Variants in SCN9A observed in about 807,000 individuals in gnomAD.
The protein encoded by SCN9A is sodium voltage-gated channel alpha subunit 9.
A neutral mutation model predicts 187.0 loss-of-function variants in SCN9A; 131 were observed. That is an observed-to-expected ratio of 0.70 (90% CI 0.61 to 0.81). SCN9A has a LOEUF of 0.81. Ranked by LOEUF, SCN9A falls within the 30% of genes least tolerant of loss-of-function variation. The probability of loss-of-function intolerance (pLI) is 0.00; values close to 1 mark genes in which losing one functional copy is unlikely to be tolerated. For missense variants in SCN9A, 2,252 were observed against 2,396.6 expected, an observed-to-expected ratio of 0.94 and a Z score of 1.26; for synonymous variants, 809 against 808.6, an observed-to-expected ratio of 1.00 and a Z score of -0.01.
At chr2:166,370,211 A>ATC (rs1553507670) in intron 1 of SCN9A, among the ~76,000 whole-genome samples, 197 of 92,222 alleles carry the variant, frequency 2.1e-3, no homozygotes, top group Non-Finnish European at 3.1e-3. Context: ...TAATAATAAT[A>ATC]ATAATAATAA....
chr2:166,242,360 G>T (rs1695603782), intron 19 of SCN9A, 142 bp downstream of exon 19: 1 of 646,294 alleles, frequency 1.5e-6, no homozygotes, highest in Admixed American at 3.2e-5. Flanking sequence ...TATTTACTGA[G>T]CTCAAGTAAA....
At chr2:166,254,862 A>G (rs1156325444) in intron 17 of SCN9A, among the ~76,000 whole-genome samples, 1 of 151,470 alleles carries the variant, frequency 6.6e-6, no homozygotes. Context: ...AAATATAAAT[A>G]TAAGCATAGG....
intron 1 of SCN9A, among the ~76,000 whole-genome samples, chr2:166,330,490 A>T (rs1316535397): frequency 6.6e-6 from 1 of 152,186 alleles, no homozygotes; most frequent in Non-Finnish European, 1.5e-5. Context: ...AATACATCTA[A>T]TCTGCACTTC....
intron 24 of SCN9A, among the ~76,000 whole-genome samples, chr2:166,216,347 A>T (rs1294666561): frequency 6.6e-6 from 1 of 152,042 alleles, no homozygotes. Context: ...GACTATTACC[A>T]CTTCTTTTTG....
At position 166,332,396 on chromosome 2, in the gene SCN9A, T is replaced by C. The variant is rs75620229; in HGVS notation, c.-50-20590A>G. Among the ~76,000 whole-genome samples, 1,395 of 152,314 alleles carry C rather than the reference T, an allele frequency of 9.2e-3. 32 individuals carry two copies. Among genetic ancestry groups the C allele is most frequent in the African/African-American group, 0.03 (1,266 of 41,566 alleles). ...AGCCAGTGTTTGTTTCTCTTGCTTG[T>C]AATCAATATCTTTGCTTAATATGAG... On this transcript the variant is annotated intron_variant, in intron 1 of 26. Coordinates refer to ENST00000642356, the MANE Select transcript of SCN9A (RefSeq NM_001365536.1).
At chr2:166,230,208 T>C (rs1349126506) in intron 21 of SCN9A, among the ~76,000 whole-genome samples, 1 of 151,758 alleles carries the variant, frequency 6.6e-6, no homozygotes, top group African/African-American at 2.4e-5. Context: ...CAGGCTGGGG[T>C]TTGTTGACCT....
chr2:166,371,849 C>T (rs879560803), intron 1 of SCN9A, among the ~76,000 whole-genome samples: 1 of 152,068 alleles, frequency 6.6e-6, no homozygotes, highest in Non-Finnish European at 1.5e-5. Context: ...TTTTAAAAAT[C>T]CCTGCTCACA....
intron 18 of SCN9A, among the ~76,000 whole-genome samples, chr2:166,250,105 T>C (rs1354872759): frequency 6.6e-6 from 1 of 152,148 alleles, no homozygotes; most frequent in Admixed American, 6.6e-5. Context: ...TGATATTTGG[T>C]GTGTATTTAA....
Position 166,204,045 on chromosome 2 carries a change from A to C in SCN9A, c.4684T>G (p.Cys1562Gly). 6.2e-7 allele frequency: 1 copy of C among 1,610,438 alleles called. No individual in the cohort carries two copies. Among genetic ancestry groups the C allele is most frequent in the Non-Finnish European group, 8.5e-7 (1 of 1,177,134 alleles). ...CTGAGGGAGATCAGTTTTAGCACAC[A>C]TTCTCCAGTGAAAAGGATTATAAAA... ...VVFIILFTGE[C>G]VLKLISLRHY... The change falls in exon 26 of 27, where the codon TGT (cysteine) becomes GGT (glycine). Residue 1562 changes from cysteine to glycine, a missense_variant. Coordinates refer to ENST00000642356, the MANE Select transcript of SCN9A (RefSeq NM_001365536.1).
At position 166,240,607 on chromosome 2, in the gene SCN9A, T is replaced by G. The variant is rs1574785828; in HGVS notation, c.3627+1895A>C. ...AACCTCCTTAGTTACTAGGAATACA[T>G]TGCATGGTAGACACTATCATGATTT... On this transcript the variant is annotated intron_variant, in intron 19 of 26. Transcript: ENST00000642356. Among the ~76,000 whole-genome samples, 4 of 152,172 alleles carry G rather than the reference T, an allele frequency of 2.6e-5. No homozygotes were observed. In the East Asian group the frequency reaches 7.7e-4, roughly 29 times the overall value.
chr2:166,275,596 A>AT (rs146908584), intron 16 of SCN9A, among the ~76,000 whole-genome samples: 56,976 of 150,124 alleles, frequency 0.38, 10,812 homozygotes, highest in Non-Finnish European at 0.4. Context: ...AAAAAAAAAA[A>AT]ATACACAAGC....
At chr2:166,318,850 A>G (rs1162509398) in intron 1 of SCN9A, among the ~76,000 whole-genome samples, 2 of 152,180 alleles carry the variant, frequency 1.3e-5, no homozygotes, top group Non-Finnish European at 2.9e-5. Context: ...AGATTTTTCT[A>G]TATATTTTAG....
chr2:166,367,333 G>C (rs1187360125), intron 1 of SCN9A, among the ~76,000 whole-genome samples: 1 of 152,130 alleles, frequency 6.6e-6, no homozygotes, highest in South Asian at 2.1e-4. Flanking sequence ...CTCGATCTCA[G>C]CTCACTGCAA....
At chr2:166,329,786 AT>A (rs1699455033) in intron 1 of SCN9A, among the ~76,000 whole-genome samples, 1 of 152,138 alleles carries the variant, frequency 6.6e-6, no homozygotes, top group African/African-American at 2.4e-5. Flanking sequence ...AGGAAGAAAG[AT>A]TTTGGTCAGG....
chr2:166,260,143 C>T (rs1317087756), intron 17 of SCN9A, among the ~76,000 whole-genome samples: 1 of 151,732 alleles, frequency 6.6e-6, no homozygotes, highest in African/African-American at 2.4e-5. Flanking sequence ...ATTAAAACCA[C>T]CACATAGTAA....
In SCN9A at chr2:166,222,945, C is replaced by CAAAAAAAA. The variant is rs1309168684; in HGVS notation, c.4398+3614_4398+3621dup. Among the ~76,000 whole-genome samples, 204 of 44,838 alleles carry CAAAAAAAA rather than the reference C, an allele frequency of 4.5e-3. 27 individuals carry two copies. Among genetic ancestry groups the CAAAAAAAA allele is most frequent in the Non-Finnish European group, 5.1e-3 (129 of 25,102 alleles). 29.4% of individuals were successfully genotyped at this position (44,838 alleles called of 152,430 possible). ...AACTCCGTCTCAAAAAAAAAAACAA[C>CAAAAAAAA]AAAAAAAAAAAAAAAAAAAAAAAAA... On this transcript the variant is annotated intron_variant, in intron 24 of 26. Transcript: ENST00000642356.
chr2:166,213,386 T>A (rs1272340506), intron 24 of SCN9A, among the ~76,000 whole-genome samples: 3 of 149,696 alleles, frequency 2.0e-5, no homozygotes, highest in Non-Finnish European at 3.0e-5. Context: ...AAGGAATAGG[T>A]AAATTCCAAA....
chr2:166,285,768 G>C (rs1314879582), intron 11 of SCN9A, among the ~76,000 whole-genome samples: 1 of 152,254 alleles, frequency 6.6e-6, no homozygotes, highest in South Asian at 2.1e-4. Flanking sequence ...AGAATTATAA[G>C]CAGGGAGGCC....
chr2:166,303,902 T>C (rs567222661), intron 6 of SCN9A: 11 of 979,446 alleles, frequency 1.1e-5, no homozygotes, highest in East Asian at 7.8e-5. Context: ...AACTCAAAGG[T>C]TGACTTTTGA....
Sources: gnomAD v4.1 joint callset for allele counts (sites outside exome capture counted in the v4.1 genomes callset) on GRCh38, gnomAD v4.1.1 for gene constraint, MANE v1.5 for transcripts, NCBI Gene and HGNC (gene_info 2026-07-23, HGNC 2026-07-21) for gene names.